CUL4B: variants seen among roughly 807,000 people sequenced by gnomAD.
The protein encoded by CUL4B is cullin 4B.
In CUL4B, 1 loss-of-function variant was observed where a neutral mutation model predicts 69.2. The observed-to-expected ratio is 0.01, with a 90% CI of 0.01 to 0.07. The LOEUF (loss-of-function observed/expected upper bound fraction) is 0.07, where lower values mean the gene tolerates loss of function less well. Ranked by LOEUF, CUL4B falls within the 10% of genes least tolerant of loss-of-function variation. The pLI is 1.00. For missense variants in CUL4B, 328 were observed against 638.8 expected, an observed-to-expected ratio of 0.51 and a Z score of 5.24; for synonymous variants, 237 against 223.2, an observed-to-expected ratio of 1.06 and a Z score of -0.55.
At position 120,543,037 on chromosome X, in the gene CUL4B, C is replaced by T; in HGVS notation, c.1257-4G>A. On this transcript the variant is annotated splice_polypyrimidine_tract_variant and splice_region_variant and intron_variant, in intron 8 of 19. Coordinates refer to ENST00000371322, the MANE Select transcript of CUL4B (RefSeq NM_001079872.2). The stretch of plus-strand genomic sequence containing the variant: ...TACAGTAGCAATTAATGACTTCCTA[C>T]AAGGAAAAAAAAAAAGGTTAGTATT... The T allele has an allele frequency of 7.2e-6, 8 of 1,116,192 alleles. No individual in the cohort carries two copies. Among genetic ancestry groups the T allele is most frequent in the Non-Finnish European group, 9.7e-6 (8 of 827,095 alleles). 92.0% of individuals were successfully genotyped at this position (1,116,192 alleles called of 1,213,427 possible).
At chrX:120,546,408 G>GA (rs756228337) in intron 4 of CUL4B, 139 bp downstream of exon 4, 269 of 417,542 alleles carry the variant, frequency 6.4e-4, no homozygotes, top group South Asian at 1.1e-3. Flanking sequence ...TTTAAAAAAA[G>GA]AAAAAAAAAG....
At chrX:120,534,360 A>G (rs1453657209) in intron 17 of CUL4B, 121 bp downstream of exon 17, 1 of 554,196 alleles carries the variant, frequency 1.8e-6, no homozygotes, top group Non-Finnish European at 3.1e-6. Flanking sequence ...GTCTCATTAA[A>G]AAAAAAGAAA....
At chrX:120,547,749 G>A (rs1924421944) in intron 2 of CUL4B, among the ~76,000 whole-genome samples, 1 of 111,626 alleles carries the variant, frequency 9.0e-6, no homozygotes, top group African/African-American at 3.3e-5. Flanking sequence ...ATTTGAGTCA[G>A]TGGGCTGGGG....
At chrX:120,566,365 A>ATGTG (rs779869075), upstream of CUL4B, among the ~76,000 whole-genome samples, 18 of 58,767 alleles carry the variant, frequency 3.1e-4, no homozygotes, top group African/African-American at 8.4e-4. Flanking sequence ...ATATATATAT[A>ATGTG]TATATATATA....
intron 2 of CUL4B, among the ~76,000 whole-genome samples, chrX:120,548,018 T>A (rs1022018860): frequency 1.8e-5 from 2 of 110,176 alleles, no homozygotes; most frequent in African/African-American, 6.6e-5. Context: ...CTTAATAAAC[T>A]CCCCTTTATA....
At chrX:120,561,227 C>T, upstream of CUL4B, 1 of 508,885 alleles carries the variant, frequency 2.0e-6, no homozygotes, top group Non-Finnish European at 3.4e-6. Flanking sequence ...GCTAAAGTGC[C>T]CCAGACGCTC....
rs1189143570 is a variant in CUL4B, at chrX:120,560,710, G to A, written c.-72C>T. On this transcript the variant is annotated 5_prime_UTR_variant, in exon 1 of 20. Coordinates refer to ENST00000371322, the MANE Select transcript of CUL4B (RefSeq NM_001079872.2). ...TATATGCCTGCGTGCGTGTAGGAGA[G>A]AAGGTAGCAATGCTAGAGGGGGAAG... 1.8e-6 allele frequency: 2 copies of A among 1,132,544 alleles called. No homozygotes were observed. The highest frequency in any genetic ancestry group is 3.7e-5 in the African/African-American group (2 of 53,832). The allele number at this position is 1,132,544 out of a possible 1,213,427, so 93.3% of individuals were successfully genotyped here. A position where few individuals can be genotyped will look rare whatever the true frequency, so the allele number is the denominator to read the frequency against.
chrX:120,534,690 CATG>C (rs1398131421), intron 16 of CUL4B, 104 bp from the exon 17 acceptor site: 1 of 566,645 alleles, frequency 1.8e-6, no homozygotes, highest in Non-Finnish European at 3.0e-6. Flanking sequence ...GATTTAGAAA[CATG>C]ATTAGCATTA....
chrX:120,565,963 C>G (rs946295822), upstream of CUL4B, among the ~76,000 whole-genome samples: 3 of 107,761 alleles, frequency 2.8e-5, no homozygotes, highest in Non-Finnish European at 5.8e-5. Flanking sequence ...CTCCTGACCT[C>G]ATGATCCGCC....
At chrX:120,573,275 A>C (rs904042329) in intron 2 of CUL4B, among the ~76,000 whole-genome samples, 3 of 111,159 alleles carry the variant, frequency 2.7e-5, no homozygotes, top group Admixed American at 9.6e-5. Flanking sequence ...TGTCCATGAC[A>C]GTATATAGAG....
chrX:120,558,822 G>GA (rs1350109151), intron 1 of CUL4B, among the ~76,000 whole-genome samples: 2 of 111,206 alleles, frequency 1.8e-5, no homozygotes, highest in African/African-American at 3.3e-5. Context: ...AGGAGGGAGA[G>GA]AAAAAAATCT....
In CUL4B at chrX:120,551,825, G is replaced by T. The variant is rs533904228; in HGVS notation, c.673-4586C>A. 6.3e-5 allele frequency among the ~76,000 whole-genome samples: 7 copies of T among 111,430 alleles called. No individual in the cohort carries two copies. The East Asian group carries it at 1.7e-3, about 27-fold the overall frequency. On this transcript the variant is annotated intron_variant, in intron 2 of 19. Coordinates refer to ENST00000371322, the MANE Select transcript of CUL4B (RefSeq NM_001079872.2). Reference sequence around the variant, plus strand: ...GGTAGGTACTTATGCTCTCTTACTAGTACTAAGTGCTTTCCATAACCCCAA... The same window carrying T: ...GGTAGGTACTTATGCTCTCTTACTATTACTAAGTGCTTTCCATAACCCCAA...
chrX:120,571,315 A>G (rs1377796622), exon 3 of CUL4B: 1 of 111,756 alleles, frequency 8.9e-6, no homozygotes, highest in African/African-American at 3.3e-5. Flanking sequence ...TTTTTTTAAA[A>G]AAAGTTTCAA....
intron 2 of CUL4B, among the ~76,000 whole-genome samples, chrX:120,548,083 C>G (rs1408744382): frequency 1.8e-5 from 2 of 110,689 alleles, no homozygotes; most frequent in East Asian, 5.7e-4. Flanking sequence ...CTGACTAATA[C>G]AGAAACAAAG....
chrX:120,544,302 A>G (rs1924185105), intron 6 of CUL4B, 99 bp from the exon 7 acceptor site: 3 of 813,550 alleles, frequency 3.7e-6, no homozygotes, highest in Non-Finnish European at 5.5e-6. Context: ...TGGTTTTTAA[A>G]CATCAAGCTA....
At chrX:120,549,325 G>A (rs1444541334) in intron 2 of CUL4B, among the ~76,000 whole-genome samples, 1 of 111,991 alleles carries the variant, frequency 8.9e-6, no homozygotes, top group Non-Finnish European at 1.9e-5. Context: ...AGGCCGAGGC[G>A]GGCAGATCAT....
chrX:120,563,309 C>G (rs751642753), upstream of CUL4B, among the ~76,000 whole-genome samples: 135 of 112,231 alleles, frequency 1.2e-3, no homozygotes, highest in Non-Finnish European at 1.8e-3. Context: ...TCTTGGCTCA[C>G]TGCAACCTCT....
chrX:120,555,459 CAATTT>C (rs778805165), intron 2 of CUL4B, among the ~76,000 whole-genome samples: 1 of 111,457 alleles, frequency 9.0e-6, no homozygotes, highest in East Asian at 2.8e-4. Flanking sequence ...TAAAGTAAAA[CAATTT>C]AATTGTTTCA....
chrX:120,532,396 G>C (rs1923371269), intron 18 of CUL4B, 26 bp downstream of exon 18: 1 of 1,133,784 alleles, frequency 8.8e-7, no homozygotes, highest in Non-Finnish European at 1.2e-6. Context: ...CAGTGTGTTA[G>C]GACTAAGAGA....
Sources: gnomAD v4.1 joint callset for allele counts (sites outside exome capture counted in the v4.1 genomes callset) on GRCh38, gnomAD v4.1.1 for gene constraint, MANE v1.5 for transcripts, NCBI Gene and HGNC (gene_info 2026-07-23, HGNC 2026-07-21) for gene names.